The following OR8G1 variants were observed in gnomAD, a reference collection of about 807,000 sequenced individuals.
The protein encoded by OR8G1 is olfactory receptor family 8 subfamily G member 1.
For synonymous variants in OR8G1, 129 were observed against 133.3 expected (o/e 0.97, Z 0.22); for missense variants, 372 against 356.2 (o/e 1.04, Z -0.36).
At position 124,250,473 on chromosome 11, in the gene OR8G1, C is replaced by T. The variant is rs182558690; in HGVS notation, c.798C>T (p.Ser266=). Residue 266 remains serine, a synonymous_variant, in exon 3 of 3, where the codon AGC becomes AGT. Coordinates refer to ENST00000641972, the MANE Select transcript of OR8G1 (RefSeq NM_001002905.2). ...AFMYLQPSSI[S]SMDQGKVSSV... ...TGTACTTGCAGCCATCTTCAATCAG[C>T]TCCATGGACCAGGGGAAAGTATCCT... The T allele has an allele frequency of 3.4e-5, 55 of 1,613,708 alleles. No individual in the cohort carries two copies. Among genetic ancestry groups the T allele is most frequent in the Admixed American group, 3.3e-5 (2 of 59,922 alleles).
intron 1 of OR8G1, among the ~76,000 whole-genome samples, chr11:124,242,024 A>G (rs970497024): frequency 1.3e-4 from 19 of 151,104 alleles, no homozygotes; most frequent in African/African-American, 4.1e-4. Flanking sequence ...AAGAACTCAA[A>G]TACTAGAATA....
chr11:124,245,185 C>A (rs1018074943), intron 1 of OR8G1, among the ~76,000 whole-genome samples: 2 of 137,508 alleles, frequency 1.5e-5, no homozygotes, highest in African/African-American at 5.3e-5. Context: ...CCACTACAGT[C>A]TCCAAAGTGT....
rs1861891773 is a variant in OR8G1, at chr11:124,254,350, T to G, written c.*3739T>G. ...ATGTCTTCTTTTGAGAAATGTCTAT[T>G]TAGATGCTTTGCCTATTTTTAAATC... On this transcript the variant is annotated 3_prime_UTR_variant, in exon 3 of 3. Coordinates refer to ENST00000641972, the MANE Select transcript of OR8G1 (RefSeq NM_001002905.2). 2 of 148,700 alleles carry G rather than the reference T, an allele frequency of 1.3e-5. No homozygotes were observed. The highest frequency in any genetic ancestry group is 4.9e-5 in the African/African-American group (2 of 40,730). The allele number at this position is 148,700 out of a possible 1,614,324, so 9.2% of individuals were successfully genotyped here. A position where few individuals can be genotyped will look rare whatever the true frequency, so the allele number is the denominator to read the frequency against.
At chr11:124,245,342 A>G (rs1299657698) in intron 1 of OR8G1, among the ~76,000 whole-genome samples, 3 of 150,204 alleles carry the variant, frequency 2.0e-5, no homozygotes, top group African/African-American at 7.4e-5. Flanking sequence ...AAGGATATGA[A>G]CTCATCATTT....
rs1174478410 is a variant in OR8G1 at position 124,241,260 on chromosome 11, A to C, written c.-201A>C. ...GGTGTCTATGACTCTCAACACCAAC[A>C]TTAATGCCATGTCAGGAAGAGAACA... On this transcript the variant is annotated 5_prime_UTR_variant, in exon 1 of 3. Coordinates refer to ENST00000641972, the MANE Select transcript of OR8G1 (RefSeq NM_001002905.2). 1.3e-5 allele frequency: 2 copies of C among 152,116 alleles called. No homozygotes were observed. The highest frequency in any genetic ancestry group is 2.9e-5 in the Non-Finnish European group (2 of 68,010). The allele number at this position is 152,116 out of a possible 1,614,324, so 9.4% of individuals were successfully genotyped here.
chr11:124,242,083 A>ATT (rs376309990), intron 1 of OR8G1, among the ~76,000 whole-genome samples: 69,831 of 151,100 alleles, frequency 0.46, 16,442 homozygotes, highest in South Asian at 0.57. Flanking sequence ...AATTATTTAT[A>ATT]TATTTTTATT....
intron 1 of OR8G1, among the ~76,000 whole-genome samples, chr11:124,242,166 CATAA>C (rs1424030655): frequency 6.6e-6 from 1 of 151,764 alleles, no homozygotes; most frequent in African/African-American, 2.4e-5. Context: ...AAGATGTATT[CATAA>C]ATCTTTCAAA....
intron 1 of OR8G1, among the ~76,000 whole-genome samples, chr11:124,242,440 C>G (rs1861770198): frequency 6.6e-6 from 1 of 152,032 alleles, no homozygotes; most frequent in Admixed American, 6.6e-5. Flanking sequence ...AATGAAGTTA[C>G]TGGATGAGAA....
rs1329649372 is a variant in OR8G1 at position 124,250,554 on chromosome 11, G to A, written c.879G>A (p.Arg293=). The A allele has an allele frequency of 4.6e-4, 206 of 446,698 alleles. 50 individuals carry two copies. In the Admixed American group the frequency reaches 0.01, roughly 23 times the overall value. 27.7% of individuals were successfully genotyped at this position (446,698 alleles called of 1,614,324 possible). Reference sequence around the variant, plus strand: ...TGAACCCTCTGATTTATAGCCTGAGGAATAAAGATGTCCATGTTTCCCTGA... The same window carrying A: ...TGAACCCTCTGATTTATAGCCTGAGAAATAAAGATGTCCATGTTTCCCTGA... ...PMLNPLIYSL[R]NKDVHVSLKK... The change falls in exon 3 of 3, where the codon AGG becomes AGA. Residue 293 remains arginine, a synonymous_variant. Coordinates refer to ENST00000641972, the MANE Select transcript of OR8G1 (RefSeq NM_001002905.2).
intron 1 of OR8G1, among the ~76,000 whole-genome samples, chr11:124,247,173 A>G (rs762485358): frequency 4.0e-5 from 6 of 151,730 alleles, no homozygotes; most frequent in Non-Finnish European, 7.4e-5. Flanking sequence ...AAGTTTTTAG[A>G]AACAACTAAA....
rs918893133 is a variant in OR8G1 at position 124,253,670 on chromosome 11, T to C, written c.*3059T>C. The C allele has an allele frequency of 3.3e-5, 5 of 152,146 alleles. No homozygotes were observed. Among genetic ancestry groups the C allele is most frequent in the Non-Finnish European group, 7.3e-5 (5 of 68,030 alleles). The allele number at this position is 152,146 out of a possible 1,614,324, so 9.4% of individuals were successfully genotyped here. ...ATTTATACAATAGTTTTTAACTTAT[T>C]CCTTCTATCTAATTAAAATATTATA... On this transcript the variant is annotated 3_prime_UTR_variant, in exon 3 of 3. Coordinates refer to ENST00000641972, the MANE Select transcript of OR8G1 (RefSeq NM_001002905.2).
rs753136625 is a variant in OR8G1, at chr11:124,250,362, C to T, written c.687C>T (p.Arg229=). ...IFIIASILHI[R]STEGRSKAFS... ...TTATTGCCAGCATCCTCCACATTCG[C>T]TCCACTGAGGGCAGGTCCAAAGCCT... is the stretch of plus-strand genomic sequence containing the variant. Residue 229 remains arginine (R), a synonymous_variant, in exon 3 of 3, where the codon CGC becomes CGT. Coordinates refer to ENST00000641972, the MANE Select transcript of OR8G1 (RefSeq NM_001002905.2). 6.2e-7 allele frequency: 1 copy of T among 1,613,842 alleles called. No individual in the cohort carries two copies. Among genetic ancestry groups the T allele is most frequent in the Non-Finnish European group, 8.5e-7 (1 of 1,179,836 alleles).
In OR8G1 at chr11:124,253,422, A is replaced by C. The variant is rs1448223964; in HGVS notation, c.*2811A>C. The C allele has an allele frequency of 1.3e-5, 2 of 152,248 alleles. No homozygotes were observed. The highest frequency in any genetic ancestry group is 3.9e-4 in the East Asian group (2 of 5,180). 9.4% of individuals were successfully genotyped at this position (152,248 alleles called of 1,614,324 possible). ...GGCGACAGAGAGAGATTGTCCCCCA[A>C]ACTACCACCACCACCAATGAACAAA... On this transcript the variant is annotated 3_prime_UTR_variant, in exon 3 of 3. Transcript: ENST00000641972.
rs1289859896 is a variant in OR8G1, at chr11:124,252,833, T to C, written c.*2222T>C. The C allele has an allele frequency of 6.6e-6, 1 of 152,186 alleles. No individual in the cohort carries two copies. The highest frequency in any genetic ancestry group is 1.5e-5 in the Non-Finnish European group (1 of 68,028). The allele number at this position is 152,186 out of a possible 1,614,324, so 9.4% of individuals were successfully genotyped here. On this transcript the variant is annotated 3_prime_UTR_variant, in exon 3 of 3. Transcript: ENST00000641972. ...CAATTTCAGATGCTCATTTGGCTTA[T>C]GTACAGTCAGCTCAAAGAATTCTTG...
intron 1 of OR8G1, among the ~76,000 whole-genome samples, chr11:124,247,130 A>C (rs1268903824): frequency 6.6e-6 from 1 of 151,708 alleles, no homozygotes; most frequent in Non-Finnish European, 1.5e-5. Flanking sequence ...AAAATAGGAA[A>C]TCATACTAAA....
chr11:124,243,798 G>A (rs1238122129), intron 1 of OR8G1, among the ~76,000 whole-genome samples: 3 of 151,878 alleles, frequency 2.0e-5, no homozygotes, highest in Non-Finnish European at 2.9e-5. Flanking sequence ...GTCAGTATTC[G>A]ACCCCTTGTC....
At chr11:124,243,888 C>A (rs1861784049) in intron 1 of OR8G1, among the ~76,000 whole-genome samples, 1 of 151,798 alleles carries the variant, frequency 6.6e-6, no homozygotes, top group South Asian at 2.1e-4. Context: ...ATCTATGTAA[C>A]AAACCTGCAC....
At chr11:124,249,344 A>G (rs902939661) in intron 2 of OR8G1, among the ~76,000 whole-genome samples, 2 of 152,084 alleles carry the variant, frequency 1.3e-5, no homozygotes, top group African/African-American at 4.8e-5. Flanking sequence ...AGTTCAACTC[A>G]TTTATATTGG....
chr11:124,248,582 TTAACTC>T (rs1451974291), intron 2 of OR8G1, among the ~76,000 whole-genome samples: 1 of 152,034 alleles, frequency 6.6e-6, no homozygotes, highest in Admixed American at 6.6e-5. Flanking sequence ...TCTTTGTAAT[TTAACTC>T]TAAGCCATTT....
Sources: allele counts gnomAD v4.1 joint callset (sites outside exome capture counted in the v4.1 genomes callset), GRCh38; gene constraint gnomAD v4.1.1; transcripts MANE v1.5; gene names NCBI Gene and HGNC (gene_info 2026-07-23, HGNC 2026-07-21).